Variants in ABCC10 observed in about 807,000 individuals in gnomAD.
The protein encoded by ABCC10 is ATP-binding cassette sub-family C member 10.
ABCC10 carries 110 observed loss-of-function variants against 143.2 expected under a neutral mutation model. The ratio of observed to expected loss-of-function variants is 0.77; its 90% CI spans 0.66 to 0.90. ABCC10 has a LOEUF of 0.90. Among genes scored for constraint, ABCC10 ranks in the 40% least tolerant of loss-of-function variants. The pLI is 0.00. For missense variants in ABCC10, 1,700 were observed against 1,900.5 expected (o/e 0.89, Z 1.96); for synonymous variants, 805 against 846.7 (o/e 0.95, Z 0.85).
At chr6:43,450,853 G>C (rs201087688), downstream of ABCC10, 5 of 1,614,024 alleles carry the variant, frequency 3.1e-6, no homozygotes, top group Admixed American at 1.7e-5. The surrounding 1 kb of genome is among the most constrained non-coding windows in gnomAD (Gnocchi z 4.5). Context: ...CCTGCGCTGT[G>C]GGGGGCTGGC....
chr6:43,440,176 C>G (rs761867904), intron 8 of ABCC10, among the ~76,000 whole-genome samples: 8 of 151,694 alleles, frequency 5.3e-5, no homozygotes, highest in Non-Finnish European at 7.4e-5. Context: ...AGGCTGGTCT[C>G]GAACTGTTGG....
Position 43,441,958 on chromosome 6 carries a change from C to T in ABCC10, c.2224C>T (p.Gln742Ter). 1.9e-6 allele frequency: 3 copies of T among 1,613,472 alleles called. No homozygotes were observed. Among genetic ancestry groups the T allele is most frequent in the Non-Finnish European group, 2.5e-6 (3 of 1,179,610 alleles). ...GATTGCCCTTGCTCGTGCTGTCTAC[C>T]AGGTCAGTTAAAGATGGAGGTTGCA... ...ARIALARAVY[Q>*]EKELYLLDDP... The change falls in exon 9 of 22, where the codon CAG (glutamine) becomes TAG (stop). Residue 742 changes from glutamine (Q) to a stop codon, truncating the protein, a stop_gained and splice_region_variant. Transcript: ENST00000372530. LOFTEE classifies it high-confidence loss of function.
chr6:43,440,140 A>G (rs1359917831), intron 8 of ABCC10, among the ~76,000 whole-genome samples: 1 of 151,118 alleles, frequency 6.6e-6, no homozygotes, highest in Non-Finnish European at 1.5e-5. Context: ...TATTTTTAGT[A>G]GAGATGGGGT....
At position 43,434,791 on chromosome 6, in the gene ABCC10, C is replaced by T; in HGVS notation, c.1551C>T (p.Ile517=). The change falls in exon 4 of 22, where the codon ATC becomes ATT. Residue 517 remains isoleucine (I), a synonymous_variant. Coordinates refer to ENST00000372530, the MANE Select transcript of ABCC10 (RefSeq NM_001198934.2). ...TGTGGGCTGCCCTACCGGTTGTCAT[C>T]TCCATCGTTATCTTCATCACCTATG... ...VYLWAALPVV[I]SIVIFITYVL... is the part of the protein sequence containing the mutation. 2 of 1,614,210 alleles carry T rather than the reference C, an allele frequency of 1.2e-6. No individual in the cohort carries two copies. The highest frequency in any genetic ancestry group is 1.7e-6 in the Non-Finnish European group (2 of 1,180,032).
chr6:43,448,949 C>G lies in ABCC10; in HGVS notation c.4028C>G (p.Pro1343Arg). Reference protein sequence around the residue: ...FSGTVRENLDPQGLHKDRALW... With the variant: ...FSGTVRENLDRQGLHKDRALW... ...GGGACTGTTCGGGAAAACCTGGACCCCCAGGGCCTACATAAGGACAGGGCC... is the reference window on the plus strand; with the variant it reads ...GGGACTGTTCGGGAAAACCTGGACCGCCAGGGCCTACATAAGGACAGGGCC... Residue 1343 changes from proline (P) to arginine (R), a missense_variant, in exon 19 of 22, where the codon CCC becomes CGC. Transcript: ENST00000372530. The G allele has an allele frequency of 6.2e-7, 1 of 1,614,174 alleles. No individual in the cohort carries two copies. Among genetic ancestry groups the G allele is most frequent in the Non-Finnish European group, 8.5e-7 (1 of 1,180,016 alleles).
chr6:43,442,829 C>T, intron 9 of ABCC10, 141 bp from the exon 10 acceptor site: 1 of 708,596 alleles, frequency 1.4e-6, no homozygotes, highest in South Asian at 2.3e-5. Context: ...AAGGGATGTC[C>T]ACCCTCAGGT....
At chr6:43,427,801 C>G in intron 1 of ABCC10, 44 bp downstream of exon 1, 2 of 710,900 alleles carry the variant, frequency 2.8e-6, no homozygotes, top group South Asian at 3.4e-5. Flanking sequence ...AACCTCCTCC[C>G]GTTTTTACCC....
chr6:43,436,046 G>A, intron 5 of ABCC10, 92 bp from the exon 6 acceptor site: 1 of 1,605,264 alleles, frequency 6.2e-7, no homozygotes, highest in Non-Finnish European at 8.5e-7. Context: ...TGGGCAGGTA[G>A]ATATGGGGCT....
intron 9 of ABCC10, among the ~76,000 whole-genome samples, chr6:43,442,628 G>T (rs913527851): frequency 2.4e-4 from 37 of 152,242 alleles, no homozygotes; most frequent in African/African-American, 8.9e-4. Context: ...TACTCAGGAG[G>T]CTGAGGTGGG....
chr6:43,437,458 G>T lies in ABCC10; in HGVS notation c.1876-476G>T, dbSNP rs1348746558. On this transcript the variant is annotated intron_variant, in intron 6 of 21. Coordinates refer to ENST00000372530, the MANE Select transcript of ABCC10 (RefSeq NM_001198934.2). ...CAAAAAAAAAAAAAAAAAAAAAAAA[G>T]GTAAACAGAAAAATTTAAGCCACAG... 2.6e-5 allele frequency among the ~76,000 whole-genome samples: 3 copies of T among 115,214 alleles called. No individual in the cohort carries two copies. In the East Asian group the frequency reaches 7.0e-4, roughly 27 times the overall value. 75.6% of individuals were successfully genotyped at this position (115,214 alleles called of 152,430 possible).
At chr6:43,431,846 T>G (rs900854608) in intron 2 of ABCC10, 6 of 1,261,418 alleles carry the variant, frequency 4.8e-6, no homozygotes, top group Non-Finnish European at 6.0e-6. Context: ...ACCTCAAAAT[T>G]GTTAATGTCT....
intron 8 of ABCC10, among the ~76,000 whole-genome samples, chr6:43,440,064 C>G (rs555038524): frequency 2.0e-5 from 3 of 152,248 alleles, no homozygotes; most frequent in East Asian, 1.9e-4. Context: ...TCAAGTAATT[C>G]TCTTGCCTCA....
chr6:43,444,479 A>C, intron 12 of ABCC10, 126 bp downstream of exon 12: 1 of 1,244,706 alleles, frequency 8.0e-7, no homozygotes, highest in African/African-American at 1.5e-5. Flanking sequence ...GACAAAAGCC[A>C]TACTCCTAAT....
In ABCC10 at chr6:43,432,386, T is replaced by TTGGCCC; in HGVS notation, c.410_415dup (p.Ala137_Leu138dup). 1 of 1,612,760 alleles carries TTGGCCC rather than the reference T, an allele frequency of 6.2e-7. No homozygotes were observed. The highest frequency in any genetic ancestry group is 8.5e-7 in the Non-Finnish European group (1 of 1,180,028). On this transcript the variant is annotated inframe_insertion, in exon 3 of 22. Coordinates refer to ENST00000372530, the MANE Select transcript of ABCC10 (RefSeq NM_001198934.2). ...TGGCCACTCCCGGGGTCCCTTGGCC[T>TTGGCCC]TGGCCCTGGTAGCCTTGCTGCCAGC...
chr6:43,432,682 C>T lies in ABCC10; in HGVS notation c.702C>T (p.Ala234=). The change falls in exon 3 of 22, where the codon GCC becomes GCT. Residue 234 remains alanine (A), a synonymous_variant. Transcript: ENST00000372530. ...ATGCCTGGCTGGCACCCTTGCTGGC[C>T]CGTGGGGCCTGTGGAGAGCTCCGGC... ...FSYAWLAPLL[A]RGACGELRQP... 1 of 1,614,036 alleles carries T rather than the reference C, an allele frequency of 6.2e-7. No individual in the cohort carries two copies. The highest frequency in any genetic ancestry group is 8.5e-7 in the Non-Finnish European group (1 of 1,180,014).
Position 43,443,938 on chromosome 6 carries a change from C to T in ABCC10, c.2422C>T (p.Pro808Ser). 2.5e-6 allele frequency: 4 copies of T among 1,613,754 alleles called. No homozygotes were observed. The highest frequency in any genetic ancestry group is 3.4e-6 in the Non-Finnish European group (4 of 1,179,580). The change falls in exon 11 of 22, where the codon CCC (proline) becomes TCC (serine). Residue 808 changes from proline to serine, a missense_variant. Pro to Ser is a moderately conservative substitution (Grantham distance 74, BLOSUM62 -1). Transcript: ENST00000372530. The surrounding 1 kb of genome is among the most constrained non-coding windows in gnomAD (Gnocchi z 4.2). ...TCTCCCCTTCTACCCTCCAGGACCT[C>T]CCTCTGAGATTCTGCCACTGGTACA... ...EAGRLIRAGP[P>S]SEILPLVQAV...
At chr6:43,431,924 G>A in intron 2 of ABCC10, 5 of 1,387,906 alleles carry the variant, frequency 3.6e-6, no homozygotes, top group Non-Finnish European at 4.7e-6. Context: ...GGTTCAGGTG[G>A]CCGGTTAGCT....
In ABCC10 at chr6:43,436,199, A is replaced by G. The variant is rs772933547; in HGVS notation, c.1827A>G (p.Pro609=). 5 of 1,614,172 alleles carry G rather than the reference A, an allele frequency of 3.1e-6. No individual in the cohort carries two copies. Among genetic ancestry groups the G allele is most frequent in the Non-Finnish European group, 3.4e-6 (4 of 1,180,022 alleles). ...ATGGAGCCTTGTTCTCCTGGGACCC[A>G]GTTGGAACCAGCCTGGAGACCTTCA... ...ELHGALFSWD[P]VGTSLETFIS... The change falls in exon 6 of 22, where the codon CCA becomes CCG. Residue 609 remains proline, a synonymous_variant. Coordinates refer to ENST00000372530, the MANE Select transcript of ABCC10 (RefSeq NM_001198934.2).
At chr6:43,438,596 C>G (rs769858137) in intron 7 of ABCC10, 28 bp from the exon 8 acceptor site, 2 of 1,610,548 alleles carry the variant, frequency 1.2e-6, no homozygotes, top group Non-Finnish European at 1.7e-6. Flanking sequence ...AGAGCTGGTC[C>G]TCATATTGCT....
Sources: allele counts gnomAD v4.1 joint callset (sites outside exome capture counted in the v4.1 genomes callset), GRCh38; gene constraint gnomAD v4.1.1; non-coding constraint Gnocchi (gnomAD v3.1); transcripts MANE v1.5; gene names NCBI Gene and HGNC (gene_info 2026-07-23, HGNC 2026-07-21).